DLGAP2: variants seen among roughly 807,000 people sequenced by gnomAD.
DLGAP2 encodes DLG associated protein 2, also known as disks large-associated protein 2.
DLGAP2 carries 26 observed loss-of-function variants against 100.3 expected under a neutral mutation model. That is an observed-to-expected ratio of 0.26 (90% CI 0.19 to 0.36). The LOEUF (loss-of-function observed/expected upper bound fraction) is 0.36. Ranked by LOEUF, DLGAP2 falls within the 10% of genes least tolerant of loss-of-function variation. The pLI, the probability that DLGAP2 is intolerant of heterozygous loss-of-function variation, is 1.00. For synonymous variants in DLGAP2, 886 were observed against 630.1 expected (o/e 1.41, Z -6.08); for missense variants, 1,858 against 1,453.2 (o/e 1.28, Z -4.53).
At chr8:1,094,506 C>T (rs1432899303) in intron 2 of DLGAP2, among the ~76,000 whole-genome samples, 1 of 152,210 alleles carries the variant, frequency 6.6e-6, no homozygotes, top group Non-Finnish European at 1.5e-5. Flanking sequence ...GTGCTTTTCT[C>T]TGTTTTGTGC....
At chr8:852,146 A>G (rs1282663507) in intron 1 of DLGAP2, among the ~76,000 whole-genome samples, 1 of 149,882 alleles carries the variant, frequency 6.7e-6, no homozygotes, top group African/African-American at 2.4e-5. Context: ...GACACATTGG[A>G]AGCTAAAAAA....
intron 4 of DLGAP2, among the ~76,000 whole-genome samples, chr8:1,536,224 T>C (rs1395431682): frequency 6.6e-6 from 1 of 152,096 alleles, no homozygotes; most frequent in Non-Finnish European, 1.5e-5. Flanking sequence ...CTACAAGCCA[T>C]CTGAACTTGG....
chr8:1,028,098 G>C (rs1801863879), intron 2 of DLGAP2, among the ~76,000 whole-genome samples: 1 of 137,998 alleles, frequency 7.2e-6, no homozygotes. Context: ...TCCAGGTGGG[G>C]TGCCAGGGGC....
At chr8:1,287,498 T>TGTGTG (rs1799959187) in intron 3 of DLGAP2, among the ~76,000 whole-genome samples, 4 of 49,824 alleles carry the variant, frequency 8.0e-5, no homozygotes, top group Admixed American at 3.0e-4. Context: ...GTGTGTGTGG[T>TGTGTG]TCTGTTAGGA....
At chr8:846,889 T>A (rs557063612) in intron 1 of DLGAP2, among the ~76,000 whole-genome samples, 1 of 152,314 alleles carries the variant, frequency 6.6e-6, no homozygotes, top group East Asian at 1.9e-4. Flanking sequence ...GGCTTGCTCT[T>A]GTTTTGTTTA....
At chr8:823,947 G>C (rs1796636070) in intron 1 of DLGAP2, among the ~76,000 whole-genome samples, 1 of 152,174 alleles carries the variant, frequency 6.6e-6, no homozygotes, top group Non-Finnish European at 1.5e-5. Context: ...ACCCCACTTA[G>C]CTTTATCCCA....
At chr8:835,549 C>A (rs532497845) in intron 1 of DLGAP2, among the ~76,000 whole-genome samples, 107 of 150,812 alleles carry the variant, frequency 7.1e-4, no homozygotes, top group Non-Finnish European at 1.2e-3. Flanking sequence ...AGTCCGTGGT[C>A]CCCCGTGCTC....
At chr8:745,940 A>G (rs1820607752) in intron 1 of DLGAP2, among the ~76,000 whole-genome samples, 1 of 152,230 alleles carries the variant, frequency 6.6e-6, no homozygotes, top group South Asian at 2.1e-4. Flanking sequence ...CATCTCACTC[A>G]GCGCCAGGCC....
In DLGAP2 at chr8:926,998, G is replaced by T. The variant is rs1410597282; in HGVS notation, c.73+19032G>T. 5.1e-6 allele frequency: 5 copies of T among 984,216 alleles called. No homozygotes were observed. The Admixed American group carries it at 3.1e-4, about 61-fold the overall frequency. The allele number at this position is 984,216 out of a possible 1,614,324, so 61.0% of individuals were successfully genotyped here. ...AAGCCAGGAAAAGCCGGGGCCAGAG[G>T]ACCCCCCGCCGAGAAAGAGAAAGAG... On this transcript the variant is annotated intron_variant, in intron 2 of 14. Transcript: ENST00000637795.
intron 3 of DLGAP2, among the ~76,000 whole-genome samples, chr8:1,269,335 A>T (rs1020699912): frequency 6.6e-6 from 1 of 152,096 alleles, no homozygotes; most frequent in Non-Finnish European, 1.5e-5. Context: ...TACGGGGAGG[A>T]TGGGACCTGC....
intron 4 of DLGAP2, among the ~76,000 whole-genome samples, chr8:1,529,488 G>GA (rs1390216260): frequency 3.6e-4 from 55 of 152,312 alleles, no homozygotes; most frequent in African/African-American, 1.3e-3. Flanking sequence ...GGAGAGCTGA[G>GA]GGTTGGAGTG....
intron 2 of DLGAP2, among the ~76,000 whole-genome samples, chr8:1,053,608 C>G (rs184435917): frequency 6.6e-6 from 1 of 152,236 alleles, no homozygotes; most frequent in East Asian, 1.9e-4. Flanking sequence ...GGCCCGATAA[C>G]TGCGAGGAAT....
Position 1,580,854 on chromosome 8 carries a change from C to A in DLGAP2, c.1442+14960C>A, listed in dbSNP as rs115618722. 9.4e-3 allele frequency among the ~76,000 whole-genome samples: 1,428 copies of A among 151,452 alleles called. 28 individuals are homozygous for A. The highest frequency in any genetic ancestry group is 0.033 in the African/African-American group (1,369 of 41,200). ...AGACAAAACCCCACACATCTACACA[C>A]CATAGTCGAACTACCAGAAGTGAAG... is the stretch of plus-strand genomic sequence containing the variant. On this transcript the variant is annotated intron_variant, in intron 6 of 14. Transcript: ENST00000637795.
intron 1 of DLGAP2, among the ~76,000 whole-genome samples, chr8:750,698 C>G (rs1280218452): frequency 6.6e-6 from 1 of 152,262 alleles, no homozygotes; most frequent in Non-Finnish European, 1.5e-5. Flanking sequence ...CCGCCCTCCC[C>G]TGCACAGGTC....
chr8:1,572,496 G>T (rs1279661525), intron 6 of DLGAP2, among the ~76,000 whole-genome samples: 1 of 137,096 alleles, frequency 7.3e-6, no homozygotes, highest in Non-Finnish European at 1.6e-5. Flanking sequence ...GGTGAACTGT[G>T]GGGGCATCTT....
chr8:1,443,808 A>G (rs948764334), intron 3 of DLGAP2, among the ~76,000 whole-genome samples: 1 of 152,172 alleles, frequency 6.6e-6, no homozygotes, highest in Non-Finnish European at 1.5e-5. Flanking sequence ...CGTGGGGATT[A>G]TTACAATTCA....
intron 3 of DLGAP2, among the ~76,000 whole-genome samples, chr8:1,339,644 A>G (rs1801373854): frequency 6.6e-6 from 1 of 152,180 alleles, no homozygotes; most frequent in South Asian, 2.1e-4. Flanking sequence ...ATCTCATGTA[A>G]TCCTGTGCAT....
chr8:1,211,654 T>A (rs535466163), intron 2 of DLGAP2, among the ~76,000 whole-genome samples: 3 of 152,272 alleles, frequency 2.0e-5, no homozygotes, highest in Admixed American at 2.0e-4. Context: ...GGTGGGTGGA[T>A]CACCTGAGGT....
chr8:1,541,546 A>T (rs1014961913), intron 4 of DLGAP2, among the ~76,000 whole-genome samples: 1 of 152,134 alleles, frequency 6.6e-6, no homozygotes, highest in African/African-American at 2.4e-5. Context: ...AAGCCCTTTG[A>T]ACTATGGAAA....
Sources: gnomAD v4.1 joint callset for allele counts (sites outside exome capture counted in the v4.1 genomes callset) on GRCh38, gnomAD v4.1.1 for gene constraint, MANE v1.5 for transcripts, NCBI Gene and HGNC (gene_info 2026-07-23, HGNC 2026-07-21) for gene names.